Variants in ANAPC5 observed in about 807,000 individuals in gnomAD.
ANAPC5 encodes the protein anaphase promoting complex subunit 5.
In ANAPC5, 60 loss-of-function variants were observed where a neutral mutation model predicts 91.3. The observed-to-expected ratio is 0.66, with a 90% CI of 0.53 to 0.81. ANAPC5 has a LOEUF of 0.81. ANAPC5 is among the 40% of genes least tolerant of loss of function. The probability of loss-of-function intolerance (pLI) is 0.00; values close to 1 mark genes in which losing one functional copy is unlikely to be tolerated. For synonymous variants in ANAPC5, 340 were observed against 364.1 expected (o/e 0.93, Z 0.75); for missense variants, 690 against 931.5 (o/e 0.74, Z 3.37).
At chr12:121,348,947 G>A (rs1258638964) in intron 1 of ANAPC5, among the ~76,000 whole-genome samples, 1 of 152,194 alleles carries the variant, frequency 6.6e-6, no homozygotes, top group East Asian at 1.9e-4. Flanking sequence ...TTTTCTTACT[G>A]TGAAATATAA....
At chr12:121,343,118 T>C (rs893593285) in intron 4 of ANAPC5, among the ~76,000 whole-genome samples, 1 of 152,190 alleles carries the variant, frequency 6.6e-6, no homozygotes, top group East Asian at 1.9e-4. Flanking sequence ...TATACATAAA[T>C]GACTTCTTAG....
chr12:121,335,463 G>A, intron 7 of ANAPC5, 70 bp downstream of exon 7: 1 of 1,504,040 alleles, frequency 6.6e-7, no homozygotes, highest in Non-Finnish European at 8.9e-7. Context: ...ACCGCACCAG[G>A]CCAAACAGCA....
intron 5 of ANAPC5, among the ~76,000 whole-genome samples, chr12:121,338,114 C>T (rs1373855817): frequency 6.6e-6 from 1 of 152,012 alleles, no homozygotes; most frequent in Non-Finnish European, 1.5e-5. Flanking sequence ...TGGTTGATGC[C>T]TGTAATCCCA....
chr12:121,337,162 G>A (rs1903267937), intron 6 of ANAPC5, 129 bp downstream of exon 6: 1 of 666,272 alleles, frequency 1.5e-6, no homozygotes, highest in South Asian at 1.7e-5. Flanking sequence ...AGGTTGCAGT[G>A]AGCCAAGGTC....
intron 11 of ANAPC5, among the ~76,000 whole-genome samples, chr12:121,324,646 C>T (rs1283463057): frequency 2.0e-5 from 3 of 152,172 alleles, no homozygotes; most frequent in Non-Finnish European, 4.4e-5. Context: ...AATTCCAACA[C>T]TTTGGGAGGC....
intron 4 of ANAPC5, among the ~76,000 whole-genome samples, chr12:121,344,635 G>A (rs759297605): frequency 1.8e-4 from 28 of 151,910 alleles, no homozygotes; most frequent in African/African-American, 6.5e-4. Flanking sequence ...GCGCTACCTC[G>A]TGGTCAGGGA....
chr12:121,351,527 G>C (rs1903892602), intron 1 of ANAPC5, among the ~76,000 whole-genome samples: 1 of 150,020 alleles, frequency 6.7e-6, no homozygotes, highest in Non-Finnish European at 1.5e-5. Context: ...GCGCGATCTC[G>C]GCTCACTGCA....
chr12:121,347,266 AAG>A, intron 2 of ANAPC5: 1 of 439,914 alleles, frequency 2.3e-6, no homozygotes, highest in Non-Finnish European at 4.0e-6. Context: ...AATGACTAAA[AAG>A]AGTAAGATGG....
rs780816219 is a variant in ANAPC5 at position 121,320,387 on chromosome 12, G to A, written c.1513C>T (p.Gln505Ter). ...ERFPPNSQHAQLWMLCDQKIQ... is the reference protein window; with the variant it reads ...ERFPPNSQHA Reference sequence around the variant, plus strand: ...TTGCCATGCAAAAGGCAGATTACCTGGGCGTGCTGACTATTAGGCGGAAAT... The same window carrying A: ...TTGCCATGCAAAAGGCAGATTACCTAGGCGTGCTGACTATTAGGCGGAAAT... Residue 505 changes from glutamine to a stop codon, truncating the protein, a stop_gained and splice_region_variant, in exon 12 of 17, where the codon CAG becomes TAG. Coordinates refer to ENST00000261819, the MANE Select transcript of ANAPC5 (RefSeq NM_016237.5). LOFTEE classifies it high-confidence loss of function. The A allele has an allele frequency of 4.3e-6, 7 of 1,613,334 alleles. No homozygotes were observed. The South Asian group carries it at 6.6e-5, about 15-fold the overall frequency.
chr12:121,335,920 A>G (rs1188956238), intron 6 of ANAPC5, among the ~76,000 whole-genome samples, 197 bp from the exon 7 acceptor site: 1 of 152,300 alleles, frequency 6.6e-6, no homozygotes, highest in East Asian at 1.9e-4. Flanking sequence ...GGGAGTCCAC[A>G]AATTAAAAAT....
chr12:121,351,879 A>G (rs1903905264), intron 1 of ANAPC5, among the ~76,000 whole-genome samples: 1 of 151,302 alleles, frequency 6.6e-6, no homozygotes, highest in Admixed American at 6.6e-5. Flanking sequence ...AGGATCTGAG[A>G]CTCTAACTCT....
At position 121,335,268 on chromosome 12, in the gene ANAPC5, C is replaced by T. The variant is rs890860990; in HGVS notation, c.950+265G>A. The T allele has an allele frequency of 2.2e-4, 49 of 223,244 alleles. No individual in the cohort carries two copies. The Admixed American group carries it at 2.6e-3, about 12-fold the overall frequency. The allele number at this position is 223,244 out of a possible 1,614,324, so 13.8% of individuals were successfully genotyped here. A position where few individuals can be genotyped will look rare whatever the true frequency, so the allele number is the denominator to read the frequency against. ...GCAACCTCCACCTCCCGGGTTCAAG[C>T]GATTCTCCTGCCTCAGTCTCCTGAG... is the stretch of plus-strand genomic sequence containing the variant. On this transcript the variant is annotated intron_variant, in intron 7 of 16. Transcript: ENST00000261819.
At chr12:121,340,537 AT>A (rs200074790) in intron 5 of ANAPC5, among the ~76,000 whole-genome samples, 3,279 of 141,174 alleles carry the variant, frequency 0.023, 85 homozygotes, top group East Asian at 0.18. Context: ...AATTCCGTAA[AT>A]TTTTTTTTTT....
chr12:121,347,675 A>G, intron 2 of ANAPC5, 127 bp downstream of exon 2: 1 of 690,566 alleles, frequency 1.4e-6, no homozygotes, highest in Middle Eastern at 3.3e-4. Flanking sequence ...AATTAAGTAA[A>G]GGCTCTTGGG....
Position 121,335,525 on chromosome 12 carries a change from A to G in ANAPC5, c.950+8T>C. 6.3e-7 allele frequency: 1 copy of G among 1,593,586 alleles called. No homozygotes were observed. Among genetic ancestry groups the G allele is most frequent in the East Asian group, 2.3e-5 (1 of 44,410 alleles). On this transcript the variant is annotated splice_region_variant and intron_variant, in intron 7 of 16. Transcript: ENST00000261819. ...AATTTGCGCAAGGACAAAGGTCTAT[A>G]AACTTACTAGTGACCGAAGCGGCAG...
intron 10 of ANAPC5, 78 bp downstream of exon 10, chr12:121,328,238 T>C: frequency 7.5e-7 from 1 of 1,333,380 alleles, no homozygotes. Flanking sequence ...CTTGTATGTA[T>C]GGCCTTTCAC....
intron 9 of ANAPC5, 200 bp from the exon 10 acceptor site, chr12:121,328,697 G>A (rs775391321): frequency 2.2e-4 from 114 of 515,108 alleles, no homozygotes; most frequent in Non-Finnish European, 3.4e-4. Flanking sequence ...GAGAGAGGCA[G>A]AGGGTACACG....
intron 15 of ANAPC5, among the ~76,000 whole-genome samples, chr12:121,315,500 A>AAAG (rs58008079): frequency 0.28 from 41,862 of 151,976 alleles, 10,256 homozygotes; most frequent in African/African-American, 0.66. Flanking sequence ...GAAAAAGAAC[A>AAAG]AAGACTCCCA....
Position 121,341,961 on chromosome 12 carries a change from G to A in ANAPC5, c.657+42C>T, listed in dbSNP as rs1903475211. ...CATCACAGGACTAGACACATCACAG[G>A]ACTAGAACAGAAGTTCATGATAAAT... On this transcript the variant is annotated intron_variant, in intron 5 of 16. Coordinates refer to ENST00000261819, the MANE Select transcript of ANAPC5 (RefSeq NM_016237.5). 8 of 1,470,330 alleles carry A rather than the reference G, an allele frequency of 5.4e-6. No individual in the cohort carries two copies. In the East Asian group the frequency reaches 1.6e-4, roughly 29 times the overall value. The allele number at this position is 1,470,330 out of a possible 1,614,324, so 91.1% of individuals were successfully genotyped here.
Sources: allele counts gnomAD v4.1 joint callset (sites outside exome capture counted in the v4.1 genomes callset), GRCh38; gene constraint gnomAD v4.1.1; transcripts MANE v1.5; gene names NCBI Gene and HGNC (gene_info 2026-07-23, HGNC 2026-07-21).